Variants in SGCZ observed in about 807,000 individuals in gnomAD.
The protein encoded by SGCZ is zeta-sarcoglycan.
SGCZ carries 40 observed loss-of-function variants against 41.3 expected under a neutral mutation model. That is an observed-to-expected ratio of 0.97 (90% CI 0.75 to 1.26). The LOEUF (loss-of-function observed/expected upper bound fraction) is 1.26, where lower values mean the gene tolerates loss of function less well. SGCZ is among the 50% of genes most tolerant of loss of function. The pLI, the probability that SGCZ is intolerant of heterozygous loss-of-function variation, is 0.00. For missense variants in SGCZ, 552 were observed against 369.8 expected (o/e 1.49, Z -4.04); for synonymous variants, 206 against 137.5 (o/e 1.50, Z -3.49).
At chr8:14,894,952 T>C (rs1805139502) in intron 1 of SGCZ, among the ~76,000 whole-genome samples, 1 of 151,968 alleles carries the variant, frequency 6.6e-6, no homozygotes, top group African/African-American at 2.4e-5. Context: ...GAAAAACAAG[T>C]GGATGCTAAA....
At chr8:14,738,747 T>C (rs888629017) in intron 1 of SGCZ, among the ~76,000 whole-genome samples, 1 of 152,076 alleles carries the variant, frequency 6.6e-6, no homozygotes, top group East Asian at 1.9e-4. Context: ...AAGTTGGTTG[T>C]TAAACTGCTT....
At position 14,285,121 on chromosome 8, in the gene SGCZ, C is replaced by G. The variant is rs552724833; in HGVS notation, c.336+38982G>C. 9.2e-5 allele frequency among the ~76,000 whole-genome samples: 14 copies of G among 152,164 alleles called. No individual in the cohort carries two copies. In the East Asian group the frequency reaches 2.7e-3, roughly 30 times the overall value. ...AAGACTCAGCCTTATTAAATCTCAA[C>G]TTTGCCTGGTTTCATTCAGTTCCTT... On this transcript the variant is annotated intron_variant, in intron 3 of 7. Coordinates refer to ENST00000382080, the MANE Select transcript of SGCZ (RefSeq NM_139167.4).
At chr8:14,262,735 A>G (rs1046457490) in intron 3 of SGCZ, among the ~76,000 whole-genome samples, 1 of 151,798 alleles carries the variant, frequency 6.6e-6, no homozygotes, top group African/African-American at 2.4e-5. Context: ...TCAAAGATGT[A>G]TCGTGATATA....
chr8:14,250,220 G>C (rs1484862933), intron 3 of SGCZ, among the ~76,000 whole-genome samples: 2 of 152,284 alleles, frequency 1.3e-5, no homozygotes, highest in East Asian at 3.9e-4. Flanking sequence ...TAGATCTGGA[G>C]TGTGGCCCCA....
At chr8:14,469,911 G>A (rs1258471946) in intron 2 of SGCZ, among the ~76,000 whole-genome samples, 1 of 152,088 alleles carries the variant, frequency 6.6e-6, no homozygotes, top group Admixed American at 6.6e-5. Flanking sequence ...TAATTCTTTT[G>A]TAATATCCTT....
intron 1 of SGCZ, among the ~76,000 whole-genome samples, chr8:15,079,952 G>T (rs1805679653): frequency 6.6e-6 from 1 of 151,930 alleles, no homozygotes; most frequent in South Asian, 2.1e-4. Context: ...ATACACTTTT[G>T]ATTGCCTGCT....
At chr8:15,054,821 G>T (rs1804645396) in intron 1 of SGCZ, among the ~76,000 whole-genome samples, 1 of 151,938 alleles carries the variant, frequency 6.6e-6, no homozygotes, top group East Asian at 1.9e-4. Flanking sequence ...AATTAGCCGG[G>T]CATTCTGGCG....
intron 3 of SGCZ, among the ~76,000 whole-genome samples, chr8:14,305,889 G>A (rs1275101664): frequency 6.6e-6 from 1 of 152,110 alleles, no homozygotes; most frequent in South Asian, 2.1e-4. Context: ...ATTGCCGCTG[G>A]GCACCATTCT....
chr8:15,182,964 C>CA (rs1800222040), intron 1 of SGCZ, among the ~76,000 whole-genome samples: 1 of 152,024 alleles, frequency 6.6e-6, no homozygotes, highest in Non-Finnish European at 1.5e-5. Flanking sequence ...TTGTGAAAAA[C>CA]AAAGACACAC....
intron 2 of SGCZ, among the ~76,000 whole-genome samples, chr8:14,479,351 C>G (rs974783747): frequency 8.5e-5 from 13 of 152,254 alleles, no homozygotes; most frequent in Non-Finnish European, 1.5e-4. Flanking sequence ...CAGCGAGTCT[C>G]GTATTTCCTC....
intron 5 of SGCZ, among the ~76,000 whole-genome samples, chr8:14,154,807 G>T (rs1803827521): frequency 6.6e-6 from 1 of 152,146 alleles, no homozygotes; most frequent in South Asian, 2.1e-4. Context: ...GGAGGTACAT[G>T]GATGGGCCAC....
intron 1 of SGCZ, among the ~76,000 whole-genome samples, chr8:15,005,236 A>C (rs934865384): frequency 1.3e-5 from 2 of 151,982 alleles, no homozygotes; most frequent in Admixed American, 1.3e-4. Context: ...ACCATTTAGC[A>C]CCATCTCAAA....
At chr8:14,146,018 C>T (rs1803510531) in intron 5 of SGCZ, among the ~76,000 whole-genome samples, 1 of 151,998 alleles carries the variant, frequency 6.6e-6, no homozygotes, top group South Asian at 2.1e-4. Context: ...ATGGGTAGAA[C>T]ATTTATTCAA....
intron 1 of SGCZ, among the ~76,000 whole-genome samples, chr8:14,869,871 A>T (rs894745998): frequency 6.6e-6 from 1 of 152,192 alleles, no homozygotes; most frequent in African/African-American, 2.4e-5. Flanking sequence ...CCAACTTACA[A>T]GGAATGTGAA....
chr8:15,068,011 A>G (rs1805214564), intron 1 of SGCZ, among the ~76,000 whole-genome samples: 1 of 152,230 alleles, frequency 6.6e-6, no homozygotes, highest in Non-Finnish European at 1.5e-5. Flanking sequence ...GCAAAAGGCC[A>G]TGGTACATCT....
intron 3 of SGCZ, among the ~76,000 whole-genome samples, chr8:14,265,926 A>G (rs34734828): frequency 0.52 from 78,437 of 151,408 alleles, 22,671 homozygotes; most frequent in Non-Finnish European, 0.65. Context: ...TTGAAAACAC[A>G]CAGTCAGAAA....
intron 1 of SGCZ, among the ~76,000 whole-genome samples, chr8:15,045,466 G>A (rs912763229): frequency 4.6e-5 from 7 of 152,048 alleles, no homozygotes; most frequent in Non-Finnish European, 8.8e-5. Flanking sequence ...TTGTATACAT[G>A]TTTCAATCAG....
intron 3 of SGCZ, among the ~76,000 whole-genome samples, chr8:14,280,964 C>G (rs1033107476): frequency 6.6e-6 from 1 of 151,692 alleles, no homozygotes; most frequent in African/African-American, 2.4e-5. Context: ...AATTTGATAA[C>G]CATATCCTTT....
chr8:14,374,361 A>G (rs931996911), intron 2 of SGCZ, among the ~76,000 whole-genome samples: 1 of 152,198 alleles, frequency 6.6e-6, no homozygotes, highest in Non-Finnish European at 1.5e-5. Context: ...AGAAAAAAAG[A>G]TGATTTGGTA....
Sources: gnomAD v4.1 joint callset for allele counts (sites outside exome capture counted in the v4.1 genomes callset) on GRCh38, gnomAD v4.1.1 for gene constraint, MANE v1.5 for transcripts, NCBI Gene and HGNC (gene_info 2026-07-23, HGNC 2026-07-21) for gene names.